SLC4A10: variants seen among roughly 807,000 people sequenced by gnomAD.
The protein encoded by SLC4A10 is solute carrier family 4 member 10.
SLC4A10 carries 42 observed loss-of-function variants against 137.7 expected under a neutral mutation model. That is an observed-to-expected ratio of 0.30 (90% CI 0.24 to 0.39). SLC4A10 has a LOEUF of 0.39. Ranked by LOEUF, SLC4A10 falls within the 10% of genes least tolerant of loss-of-function variation. The pLI, the probability that SLC4A10 is intolerant of heterozygous loss-of-function variation, is 1.00. For missense variants in SLC4A10, 925 were observed against 1,355.0 expected, an observed-to-expected ratio of 0.68 and a Z score of 4.98; for synonymous variants, 474 against 464.1, an observed-to-expected ratio of 1.02 and a Z score of -0.27.
chr2:161,671,634 C>A (rs769066915), intron 1 of SLC4A10, among the ~76,000 whole-genome samples: 6 of 152,140 alleles, frequency 3.9e-5, no homozygotes. Flanking sequence ...ACCTCAGCGT[C>A]ATGCAAAAAG....
chr2:161,813,524 T>A (rs1015516921), intron 3 of SLC4A10, among the ~76,000 whole-genome samples: 2 of 152,064 alleles, frequency 1.3e-5, no homozygotes, highest in Non-Finnish European at 2.9e-5. Context: ...TCAGATGTTG[T>A]CTCTTTCATG....
At chr2:161,724,644 A>C (rs1355296441) in intron 1 of SLC4A10, among the ~76,000 whole-genome samples, 1 of 152,190 alleles carries the variant, frequency 6.6e-6, no homozygotes, top group East Asian at 1.9e-4. Context: ...AGTTAAATTT[A>C]GTCTTAAATT....
At chr2:161,682,425 AC>A (rs1320881316) in intron 1 of SLC4A10, among the ~76,000 whole-genome samples, 1 of 152,158 alleles carries the variant, frequency 6.6e-6, no homozygotes, top group East Asian at 1.9e-4. Context: ...AGGGAAGTTA[AC>A]TTTTTCAAGG....
At chr2:161,859,048 C>T (rs970306917) in intron 5 of SLC4A10, among the ~76,000 whole-genome samples, 2 of 152,060 alleles carry the variant, frequency 1.3e-5, no homozygotes, top group Non-Finnish European at 2.9e-5. Flanking sequence ...TTAGGAACTT[C>T]GTATCATATT....
chr2:161,769,547 AT>A (rs1350800421), intron 1 of SLC4A10, among the ~76,000 whole-genome samples: 1 of 151,898 alleles, frequency 6.6e-6, no homozygotes, highest in African/African-American at 2.4e-5. Flanking sequence ...GTTTTGCTTG[AT>A]TAGATTTTGA....
intron 10 of SLC4A10, among the ~76,000 whole-genome samples, chr2:161,883,118 G>A (rs1575438284): frequency 6.6e-6 from 1 of 152,218 alleles, no homozygotes; most frequent in Non-Finnish European, 1.5e-5. Flanking sequence ...CTTTACTTGG[G>A]TTCTCCAACA....
rs5835886 is a variant in SLC4A10 at position 161,872,557 on chromosome 2, C to CA, written c.858+190dup. Among the ~76,000 whole-genome samples the CA allele has an allele frequency of 2.5e-4, 32 of 128,876 alleles. 1 individual carries two copies. Among genetic ancestry groups the CA allele is most frequent in the Non-Finnish European group, 3.0e-4 (18 of 59,270 alleles). The allele number at this position is 128,876 out of a possible 152,430, so 84.5% of individuals were successfully genotyped here. ...GTCCACATGTAACATTTTGCCTATT[C>CA]AAAAAAAAAAAAAAAAACTGAACCT... On this transcript the variant is annotated intron_variant, in intron 7 of 26. Coordinates refer to ENST00000446997, the MANE Select transcript of SLC4A10 (RefSeq NM_001178015.2).
intron 1 of SLC4A10, among the ~76,000 whole-genome samples, chr2:161,636,458 G>A (rs1342925453): frequency 2.0e-5 from 3 of 151,730 alleles, no homozygotes; most frequent in Non-Finnish European, 4.4e-5. Flanking sequence ...GCAGTGGCAC[G>A]GTCTCAGCTC....
chr2:161,846,830 G>A (rs570126857), intron 4 of SLC4A10, among the ~76,000 whole-genome samples: 1 of 152,106 alleles, frequency 6.6e-6, no homozygotes, highest in Non-Finnish European at 1.5e-5. Context: ...AATAGAGTGA[G>A]GATTGAGAAT....
chr2:161,884,073 A>G (rs62188794), intron 10 of SLC4A10, among the ~76,000 whole-genome samples: 10,413 of 152,218 alleles, frequency 0.068, 460 homozygotes, highest in East Asian at 0.13. Flanking sequence ...GAAAAAAATA[A>G]CTTAATGAGG....
rs1406513012 is a variant in SLC4A10 at position 161,970,626 on chromosome 2, C to T, written c.3160-3623C>T. 3.3e-5 allele frequency among the ~76,000 whole-genome samples: 5 copies of T among 152,192 alleles called. No individual in the cohort carries two copies. The East Asian group carries it at 7.7e-4, about 24-fold the overall frequency. On this transcript the variant is annotated intron_variant, in intron 23 of 26. Transcript: ENST00000446997. ...ATTCGTGAATATTGGTCTCTGTTGC[C>T]GTTGTTTGTACTTTAAGATATTTGA... is the stretch of plus-strand genomic sequence containing the variant.
intron 3 of SLC4A10, among the ~76,000 whole-genome samples, chr2:161,831,985 G>A (rs2058463473): frequency 6.6e-6 from 1 of 152,054 alleles, no homozygotes; most frequent in Admixed American, 6.5e-5. Flanking sequence ...TGTTTATATC[G>A]TGAACACACT....
intron 3 of SLC4A10, among the ~76,000 whole-genome samples, chr2:161,834,648 T>A (rs1013732598): frequency 6.9e-6 from 1 of 144,820 alleles, no homozygotes; most frequent in Non-Finnish European, 1.5e-5. Flanking sequence ...CAGGGAAAGA[T>A]CCTTTATCGC....
At chr2:161,799,055 G>A (rs1302475986) in intron 2 of SLC4A10, among the ~76,000 whole-genome samples, 1 of 151,324 alleles carries the variant, frequency 6.6e-6, no homozygotes, top group Non-Finnish European at 1.5e-5. Context: ...TAATGATACT[G>A]TTCCATGCTC....
At chr2:161,881,344 C>A (rs77258291) in intron 9 of SLC4A10, among the ~76,000 whole-genome samples, 3,613 of 151,986 alleles carry the variant, frequency 0.024, 154 homozygotes, top group African/African-American at 0.083. Context: ...TAAACCATTC[C>A]TGTTTTTAAT....
intron 3 of SLC4A10, among the ~76,000 whole-genome samples, chr2:161,834,737 C>T (rs552621134): frequency 6.6e-6 from 1 of 152,094 alleles, no homozygotes; most frequent in South Asian, 2.1e-4. Flanking sequence ...TTCTTTACCC[C>T]TCTTTCTATA....
At chr2:161,867,420 G>T (rs1224022401) in intron 6 of SLC4A10, among the ~76,000 whole-genome samples, 1 of 151,822 alleles carries the variant, frequency 6.6e-6, no homozygotes, top group Non-Finnish European at 1.5e-5. Flanking sequence ...TCTTGAGATT[G>T]CTTGAAAGAA....
intron 1 of SLC4A10, among the ~76,000 whole-genome samples, chr2:161,636,544 G>A (rs776921696): frequency 2.5e-4 from 38 of 151,984 alleles, no homozygotes; most frequent in South Asian, 4.2e-4. Context: ...ACAGGCGCCC[G>A]CCACCATATA....
chr2:161,898,783 C>G (rs536336189), intron 11 of SLC4A10, among the ~76,000 whole-genome samples: 1 of 152,204 alleles, frequency 6.6e-6, no homozygotes, highest in South Asian at 2.1e-4. Flanking sequence ...TTACTCTGTA[C>G]CGCACTGATG....
Sources: gnomAD v4.1 joint callset for allele counts (sites outside exome capture counted in the v4.1 genomes callset) on GRCh38, gnomAD v4.1.1 for gene constraint, MANE v1.5 for transcripts, NCBI Gene and HGNC (gene_info 2026-07-23, HGNC 2026-07-21) for gene names.